The following STAM2 variants were observed in gnomAD, a reference collection of about 807,000 sequenced individuals.
STAM2 encodes the protein signal transducing adaptor molecule 2, also known as signal transducing adapter molecule 2.
STAM2 carries 51 observed loss-of-function variants against 65.6 expected under a neutral mutation model. That is an observed-to-expected ratio of 0.78 (90% CI 0.62 to 0.98). The LOEUF (loss-of-function observed/expected upper bound fraction) is 0.98. Ranked by LOEUF, STAM2 falls within the 50% of genes least tolerant of loss-of-function variation. The pLI, the probability that STAM2 is intolerant of heterozygous loss-of-function variation, is 0.00. For synonymous variants in STAM2, 198 were observed against 208.4 expected, an observed-to-expected ratio of 0.95 and a Z score of 0.43; for missense variants, 584 against 617.8, an observed-to-expected ratio of 0.95 and a Z score of 0.58.
intron 1 of STAM2, among the ~76,000 whole-genome samples, chr2:152,153,055 AAATT>A (rs1361889763): frequency 6.6e-6 from 1 of 152,228 alleles, no homozygotes; most frequent in East Asian, 1.9e-4. Flanking sequence ...GAAATAAAAT[AAATT>A]AATTAAAGGT....
Position 152,159,110 on chromosome 2 carries a change from T to TATATATATATATATATATAC in STAM2, c.41-8882_41-8881insGTATATATATATATATATAT, listed in dbSNP as rs575009275. Among the ~76,000 whole-genome samples the TATATATATATATATATATAC allele has an allele frequency of 5.8e-3, 745 of 129,072 alleles. 30 individuals carry two copies. The East Asian group carries it at 0.088, about 15-fold the overall frequency. 84.7% of individuals were successfully genotyped at this position (129,072 alleles called of 152,430 possible). A position where few individuals can be genotyped will look rare whatever the true frequency, so the allele number is the denominator to read the frequency against. ...AAAAAAAACCATATATATATATATA[T>TATATATATATATATATATAC]ACACACACAGATATATATAATTTTT... On this transcript the variant is annotated intron_variant, in intron 1 of 13. Transcript: ENST00000263904.
At chr2:152,174,554 C>T (rs1222678512) in intron 1 of STAM2, among the ~76,000 whole-genome samples, 1 of 152,172 alleles carries the variant, frequency 6.6e-6, no homozygotes, top group Non-Finnish European at 1.5e-5. Context: ...AGGGCACTTT[C>T]TACAGTCTCC....
rs1024292397 is a variant in STAM2, at chr2:152,141,683, C to T, written c.704+2144G>A. Reference sequence around the variant, plus strand: ...TCGGCTCACTGCAACCTCCGCCTCCCGGGTTCCAGCGATTCTCCTGCCTCA... The same window carrying T: ...TCGGCTCACTGCAACCTCCGCCTCCTGGGTTCCAGCGATTCTCCTGCCTCA... On this transcript the variant is annotated intron_variant, in intron 7 of 13. Coordinates refer to ENST00000263904, the MANE Select transcript of STAM2 (RefSeq NM_005843.6). Among the ~76,000 whole-genome samples the T allele has an allele frequency of 2.0e-4, 31 of 151,650 alleles. 1 individual carries two copies. The highest frequency in any genetic ancestry group is 1.4e-3 in the Admixed American group (21 of 15,226).
intron 1 of STAM2, among the ~76,000 whole-genome samples, chr2:152,173,421 G>A (rs1284150790): frequency 6.8e-5 from 7 of 103,596 alleles, no homozygotes; most frequent in East Asian, 3.1e-4. Context: ...TTTTCGAGAC[G>A]GAGTCTTGCT....
At chr2:152,163,862 C>T (rs140867076) in intron 1 of STAM2, among the ~76,000 whole-genome samples, 304 of 152,248 alleles carry the variant, frequency 2.0e-3, no homozygotes, top group African/African-American at 7.1e-3. Flanking sequence ...TTGGGAAACT[C>T]CAGCCTGGTA....
intron 13 of STAM2, among the ~76,000 whole-genome samples, chr2:152,122,575 G>A (rs1012499589): frequency 1.3e-5 from 2 of 151,850 alleles, no homozygotes; most frequent in African/African-American, 4.8e-5. Context: ...TATTCTAACT[G>A]AACACTAATA....
At chr2:152,124,295 C>G (rs1688913794) in intron 12 of STAM2, 1 of 180,248 alleles carries the variant, frequency 5.5e-6, no homozygotes, top group Non-Finnish European at 1.2e-5. Flanking sequence ...CCCACCATCA[C>G]TTAAAGTCAC....
intron 1 of STAM2, among the ~76,000 whole-genome samples, chr2:152,153,500 G>A (rs575596744): frequency 6.6e-6 from 1 of 152,080 alleles, no homozygotes; most frequent in South Asian, 2.1e-4. Flanking sequence ...ACTGGAACTC[G>A]CTTTAAAAAG....
intron 1 of STAM2, among the ~76,000 whole-genome samples, chr2:152,170,075 G>A (rs1044998048): frequency 5.9e-5 from 9 of 151,630 alleles, no homozygotes; most frequent in African/African-American, 2.2e-4. Flanking sequence ...GACCTCAGAA[G>A]ATTTGTCCAC....
intron 1 of STAM2, among the ~76,000 whole-genome samples, chr2:152,153,422 A>G (rs920583755): frequency 6.6e-6 from 1 of 152,052 alleles, no homozygotes; most frequent in South Asian, 2.1e-4. Context: ...AAAAATGAAC[A>G]GGCTTAGCAA....
intron 1 of STAM2, among the ~76,000 whole-genome samples, chr2:152,158,010 T>C (rs965873489): frequency 6.6e-6 from 1 of 152,140 alleles, no homozygotes; most frequent in Non-Finnish European, 1.5e-5. Flanking sequence ...AAAATCAAGA[T>C]TAGTCAATAA....
chr2:152,123,454 T>C (rs544258122), intron 13 of STAM2, among the ~76,000 whole-genome samples: 103 of 152,340 alleles, frequency 6.8e-4, no homozygotes, highest in Non-Finnish European at 1.3e-3. Context: ...AACAGTTTTC[T>C]AATTTTTAGG....
At chr2:152,153,438 T>C (rs941229059) in intron 1 of STAM2, among the ~76,000 whole-genome samples, 1 of 151,878 alleles carries the variant, frequency 6.6e-6, no homozygotes, top group African/African-American at 2.4e-5. Context: ...AGCAAACAAC[T>C]ATACTTCGTG....
Position 152,120,020 on chromosome 2 carries a change from C to T in STAM2, c.*554G>A, listed in dbSNP as rs1137674. On this transcript the variant is annotated 3_prime_UTR_variant, in exon 14 of 14. Transcript: ENST00000263904. ...AGCCAAAAAGAAATATGCTGGCAAG[C>T]TAAATGCTTACACACAAAAAAGTTA... 1 of 152,902 alleles carries T rather than the reference C, an allele frequency of 6.5e-6. No homozygotes were observed. Among genetic ancestry groups the T allele is most frequent in the African/African-American group, 2.4e-5 (1 of 41,546 alleles). The allele number at this position is 152,902 out of a possible 1,614,324, so 9.5% of individuals were successfully genotyped here.
intron 1 of STAM2, among the ~76,000 whole-genome samples, chr2:152,173,381 T>C (rs1040941987): frequency 6.8e-6 from 1 of 147,796 alleles, no homozygotes; most frequent in Non-Finnish European, 1.5e-5. Flanking sequence ...TACATATATA[T>C]ATATATGTAT....
chr2:152,117,836 AATGT>A lies in STAM2; in HGVS notation c.*2734_*2737del, dbSNP rs1455438368. On this transcript the variant is annotated 3_prime_UTR_variant, in exon 14 of 14. Coordinates refer to ENST00000263904, the MANE Select transcript of STAM2 (RefSeq NM_005843.6). ...TAACCATCTTCAAAACATACAGTAA[AATGT>A]ATTACGTAGACAAGTATCAATTATT... 1 of 152,182 alleles carries A rather than the reference AATGT, an allele frequency of 6.6e-6. No homozygotes were observed. Among genetic ancestry groups the A allele is most frequent in the Non-Finnish European group, 1.5e-5 (1 of 68,008 alleles). The allele number at this position is 152,182 out of a possible 1,614,324, so 9.4% of individuals were successfully genotyped here.
intron 6 of STAM2, 70 bp downstream of exon 6, chr2:152,144,818 T>G: frequency 1.1e-4 from 152 of 1,360,170 alleles, no homozygotes; most frequent in Non-Finnish European, 1.5e-4. Context: ...ATTACAGGCG[T>G]GAGCCACCGC....
chr2:152,160,823 G>GT (rs1247338461), intron 1 of STAM2, among the ~76,000 whole-genome samples: 1 of 144,530 alleles, frequency 6.9e-6, no homozygotes, highest in Non-Finnish European at 1.5e-5. Context: ...CGGGAAGGTG[G>GT]TGGGGGGGTC....
At chr2:152,158,348 C>T (rs1252062759) in intron 1 of STAM2, among the ~76,000 whole-genome samples, 3 of 151,860 alleles carry the variant, frequency 2.0e-5, no homozygotes, top group African/African-American at 4.8e-5. Flanking sequence ...TGGTGGTGGG[C>T]GTCTATAGTC....
Sources: gnomAD v4.1 joint callset for allele counts (sites outside exome capture counted in the v4.1 genomes callset) on GRCh38, gnomAD v4.1.1 for gene constraint, MANE v1.5 for transcripts, NCBI Gene and HGNC (gene_info 2026-07-23, HGNC 2026-07-21) for gene names.